ABHD12: variants seen among roughly 807,000 people sequenced by gnomAD.
ABHD12 encodes the protein abhydrolase domain containing 12, lysophospholipase.
ABHD12 carries 43 observed loss-of-function variants against 58.3 expected under a neutral mutation model. That is an observed-to-expected ratio of 0.74 (90% CI 0.58 to 0.95). The LOEUF (loss-of-function observed/expected upper bound fraction) is 0.95. Ranked by LOEUF, ABHD12 falls within the 40% of genes least tolerant of loss-of-function variation. The pLI is 0.00. For synonymous variants in ABHD12, 219 were observed against 211.2 expected (o/e 1.04, Z -0.32); for missense variants, 539 against 537.2 (o/e 1.00, Z -0.03).
At chr20:25,362,512 G>A (rs2089763736) in intron 1 of ABHD12, among the ~76,000 whole-genome samples, 1 of 148,938 alleles carries the variant, frequency 6.7e-6, no homozygotes, top group East Asian at 2.1e-4. Context: ...GTTGCAGTGA[G>A]CTGAGATCGC....
At chr20:25,382,021 A>G (rs2090028442) in intron 1 of ABHD12, among the ~76,000 whole-genome samples, 1 of 152,144 alleles carries the variant, frequency 6.6e-6, no homozygotes, top group African/African-American at 2.4e-5. Context: ...GTCACTGACC[A>G]AGCACTCACC....
At chr20:25,368,801 T>A in intron 1 of ABHD12, 3 of 672,756 alleles carry the variant, frequency 4.5e-6, no homozygotes, top group Non-Finnish European at 8.0e-6. Flanking sequence ...GGCGGTGGCA[T>A]CTGCAAAGCC....
chr20:25,309,465 C>A lies in ABHD12; in HGVS notation c.730G>T (p.Gly244Cys). 1 of 1,614,094 alleles carries A rather than the reference C, an allele frequency of 6.2e-7. No individual in the cohort carries two copies. The highest frequency in any genetic ancestry group is 8.5e-7 in the Non-Finnish European group (1 of 1,180,004). Residue 244 changes from glycine (G) to cysteine (C), a missense_variant, in exon 7 of 13, where the codon GGC (glycine) becomes TGC (cysteine). Coordinates refer to ENST00000339157, the MANE Select transcript of ABHD12 (RefSeq NM_001042472.3). ...RSGDNPVYIW[G>C]HSLGTGVATN... ...CCTTACCCAGTGCCCAGAGAGTGGC[C>A]CCAGATGTACACGGGGTTGTCACCA...
In ABHD12 at chr20:25,390,536, C is replaced by A; in HGVS notation, c.168G>T (p.Ala56=). 1 of 1,467,028 alleles carries A rather than the reference C, an allele frequency of 6.8e-7. No homozygotes were observed. The highest frequency in any genetic ancestry group is 9.0e-7 in the Non-Finnish European group (1 of 1,115,616). 90.9% of individuals were successfully genotyped at this position (1,467,028 alleles called of 1,614,324 possible). Residue 56 remains alanine (A), a synonymous_variant, in exon 1 of 13, where the codon GCG becomes GCT. Transcript: ENST00000339157. The part of the protein sequence containing the change: ...AAAEPRCAAD[A]GMKRALGRRK... The stretch of plus-strand genomic sequence containing the variant: ...ACCTGCCCAGCGCCCGCTTCATTCC[C>A]GCGTCGGCTGCGCAGCGCGGCTCAG...
rs752249916 is a variant in ABHD12, at chr20:25,390,709, G to A, written c.-6C>T. On this transcript the variant is annotated 5_prime_UTR_variant, in exon 1 of 13. Transcript: ENST00000339157. ...GGCTCGGTCCGCTTCCTCATCCCGC[G>A]GCCGACAGGGCCAGCCGCCGACGGC... 2.2e-6 allele frequency: 3 copies of A among 1,366,728 alleles called. No individual in the cohort carries two copies. Among genetic ancestry groups the A allele is most frequent in the Non-Finnish European group, 2.8e-6 (3 of 1,058,354 alleles). The allele number at this position is 1,366,728 out of a possible 1,614,324, so 84.7% of individuals were successfully genotyped here.
At chr20:25,352,905 G>A (rs1333742867) in intron 1 of ABHD12, among the ~76,000 whole-genome samples, 1 of 152,052 alleles carries the variant, frequency 6.6e-6, no homozygotes, top group African/African-American at 2.4e-5. Flanking sequence ...TTAACGAGAT[G>A]TGGTGGTGTG....
intron 5 of ABHD12, among the ~76,000 whole-genome samples, chr20:25,316,801 G>A (rs949331901): frequency 1.7e-4 from 26 of 152,202 alleles, no homozygotes; most frequent in South Asian, 8.3e-4. Context: ...GCGTGGTGGC[G>A]GCATGCACCT....
intron 1 of ABHD12, among the ~76,000 whole-genome samples, chr20:25,357,405 C>G (rs928062044): frequency 6.6e-6 from 1 of 152,174 alleles, no homozygotes; most frequent in Non-Finnish European, 1.5e-5. Context: ...AGTAGCGTAG[C>G]TCTTGTTGTC....
intron 12 of ABHD12, 21 bp from the exon 13 acceptor site, chr20:25,300,905 G>A (rs1299239842): frequency 6.2e-7 from 1 of 1,612,452 alleles, no homozygotes; most frequent in East Asian, 2.2e-5. Context: ...GGACAATCAG[G>A]AGCCAATCAT....
chr20:25,378,214 C>T (rs2089982392), intron 1 of ABHD12, among the ~76,000 whole-genome samples: 1 of 152,136 alleles, frequency 6.6e-6, no homozygotes, highest in Non-Finnish European at 1.5e-5. Flanking sequence ...TCCAGCCATC[C>T]CTGTATTTTC....
chr20:25,294,903 T>A (rs2088515883), exon 13 of ABHD12: 1 of 1,557,176 alleles, frequency 6.4e-7, no homozygotes, highest in Non-Finnish European at 8.8e-7. Flanking sequence ...CCCTCCACTT[T>A]CAGCTGCCTT....
intron 2 of ABHD12, among the ~76,000 whole-genome samples, chr20:25,325,955 C>A (rs2089167439): frequency 6.6e-6 from 1 of 151,524 alleles, no homozygotes; most frequent in Admixed American, 6.6e-5. Context: ...CCTATAATCC[C>A]AGCTACTTGG....
chr20:25,322,381 A>ATATATATATATATATTTTTTT, intron 3 of ABHD12, among the ~76,000 whole-genome samples: 10 of 59,262 alleles, frequency 1.7e-4, no homozygotes, highest in Admixed American at 6.3e-4. Flanking sequence ...ATATATATAT[A>ATATATATATATATATTTTTTT]TTTTTTTTTT....
At position 25,314,910 on chromosome 20, in the gene ABHD12, CA is replaced by C; in HGVS notation, c.619+14del. ...GTGGAATTGTGCTCAGATGCTCTTGCAAAAGAAATCTCACCTCTGTAGTCAA... is the reference window on the plus strand; with the variant it reads ...GTGGAATTGTGCTCAGATGCTCTTGCAAAGAAATCTCACCTCTGTAGTCAA... On this transcript the variant is annotated intron_variant, in intron 6 of 12. Coordinates refer to ENST00000339157, the MANE Select transcript of ABHD12 (RefSeq NM_001042472.3). The C allele has an allele frequency of 6.2e-7, 1 of 1,614,078 alleles. No individual in the cohort carries two copies. Among genetic ancestry groups the C allele is most frequent in the South Asian group, 1.1e-5 (1 of 91,086 alleles).
At chr20:25,296,643 C>T, downstream of ABHD12, 1 of 1,310,696 alleles carries the variant, frequency 7.6e-7, no homozygotes, top group Non-Finnish European at 1.0e-6. Context: ...ACCATGTTTC[C>T]AGGAGGGGCC....
Position 25,300,673 on chromosome 20 carries a change from C to T in ABHD12, c.*172G>A, listed in dbSNP as rs2088618593. On this transcript the variant is annotated 3_prime_UTR_variant, in exon 13 of 13. Coordinates refer to ENST00000339157, the MANE Select transcript of ABHD12 (RefSeq NM_001042472.3). Reference sequence around the variant, plus strand: ...ACAGCCATGCTCAGGCCTCCGGGCACTGCAGGCCTGCAGGGGCCTCCCCGC... The same window carrying T: ...ACAGCCATGCTCAGGCCTCCGGGCATTGCAGGCCTGCAGGGGCCTCCCCGC... 2.0e-5 allele frequency: 30 copies of T among 1,522,952 alleles called. No homozygotes were observed. The highest frequency in any genetic ancestry group is 2.5e-5 in the Non-Finnish European group (29 of 1,139,624). 94.3% of individuals were successfully genotyped at this position (1,522,952 alleles called of 1,614,324 possible). A position where few individuals can be genotyped will look rare whatever the true frequency, so the allele number is the denominator to read the frequency against.
intron 1 of ABHD12, among the ~76,000 whole-genome samples, chr20:25,356,966 T>G (rs2146077525): frequency 6.6e-6 from 1 of 152,178 alleles, no homozygotes; most frequent in East Asian, 1.9e-4. Flanking sequence ...AAGACTCTGC[T>G]CTCTACAAAT....
chr20:25,321,355 C>T (rs191896726), intron 3 of ABHD12, among the ~76,000 whole-genome samples: 1 of 152,382 alleles, frequency 6.6e-6, no homozygotes, highest in East Asian at 1.9e-4. Context: ...GATGGCCAGG[C>T]ATGGCCAGGA....
chr20:25,328,039 A>G (rs1328625307), intron 2 of ABHD12, among the ~76,000 whole-genome samples: 1 of 152,124 alleles, frequency 6.6e-6, no homozygotes, highest in Non-Finnish European at 1.5e-5. Context: ...AGTTGTCCTT[A>G]AAAACTCTGA....
Sources: gnomAD v4.1 joint callset for allele counts (sites outside exome capture counted in the v4.1 genomes callset) on GRCh38, gnomAD v4.1.1 for gene constraint, MANE v1.5 for transcripts, NCBI Gene and HGNC (gene_info 2026-07-23, HGNC 2026-07-21) for gene names.